Variants in COL21A1 observed in about 807,000 individuals in gnomAD.
COL21A1 encodes the protein collagen alpha-1(XXI) chain.
Under a neutral mutation model 137.9 loss-of-function variants are expected in COL21A1, and 149 were observed. The observed-to-expected ratio is 1.08, with a 90% CI of 0.95 to 1.24. The LOEUF (loss-of-function observed/expected upper bound fraction) is 1.24. COL21A1 is among the 50% of genes most tolerant of loss of function. The pLI is 0.00. For missense variants in COL21A1, 1,167 were observed against 1,158.4 expected (o/e 1.01, Z -0.11); for synonymous variants, 456 against 391.5 (o/e 1.16, Z -1.95).
intron 1 of COL21A1, among the ~76,000 whole-genome samples, chr6:56,261,124 G>A (rs1763263426): frequency 6.6e-6 from 1 of 151,904 alleles, no homozygotes; most frequent in South Asian, 2.1e-4. Context: ...AATGGTCTGT[G>A]AAGCCGTGAC....
chr6:56,304,562 T>C (rs1764388602), intron 1 of COL21A1, among the ~76,000 whole-genome samples: 1 of 152,256 alleles, frequency 6.6e-6, no homozygotes, highest in Non-Finnish European at 1.5e-5. Context: ...TGTATTTCTG[T>C]GGGATCAGTG....
chr6:56,346,546 A>G (rs1459372795), intron 1 of COL21A1, among the ~76,000 whole-genome samples: 1 of 152,246 alleles, frequency 6.6e-6, no homozygotes, highest in Admixed American at 6.5e-5. Flanking sequence ...TCTTTGTAGC[A>G]TATCACAAAT....
chr6:56,088,651 T>A (rs536385137), intron 17 of COL21A1, among the ~76,000 whole-genome samples: 1 of 152,166 alleles, frequency 6.6e-6, no homozygotes, highest in Non-Finnish European at 1.5e-5. Context: ...AACCTTTTCT[T>A]ATAATGTCAC....
At chr6:56,347,810 CAAAAAAT>C (rs1298249554) in intron 1 of COL21A1, among the ~76,000 whole-genome samples, 1 of 151,968 alleles carries the variant, frequency 6.6e-6, no homozygotes, top group Non-Finnish European at 1.5e-5. Flanking sequence ...GAACCAAAAC[CAAAAAAT>C]AACTTCTCTG....
At chr6:56,286,682 A>T (rs2152334847) in intron 1 of COL21A1, among the ~76,000 whole-genome samples, 1 of 100,608 alleles carries the variant, frequency 9.9e-6, no homozygotes, top group East Asian at 2.1e-4. Context: ...TCTTACTTAC[A>T]TTAACTTAAT....
chr6:56,058,621 C>A (rs1384738464), intron 29 of COL21A1, among the ~76,000 whole-genome samples: 1 of 152,182 alleles, frequency 6.6e-6, no homozygotes, highest in African/African-American at 2.4e-5. Context: ...ATTTGATCAA[C>A]TCCAAAGCCT....
intron 1 of COL21A1, among the ~76,000 whole-genome samples, chr6:56,324,349 C>T (rs1285533583): frequency 1.3e-5 from 2 of 152,070 alleles, no homozygotes; most frequent in Admixed American, 1.3e-4. Context: ...TAGAAAGGAG[C>T]AGAGTAAGGA....
At chr6:56,190,774 G>C (rs551674756) in intron 1 of COL21A1, among the ~76,000 whole-genome samples, 7 of 152,248 alleles carry the variant, frequency 4.6e-5, no homozygotes, top group African/African-American at 1.7e-4. Context: ...GGGATGCAAG[G>C]CTGGTTCAAC....
chr6:56,316,442 C>T (rs985051377), intron 1 of COL21A1, among the ~76,000 whole-genome samples: 39 of 134,692 alleles, frequency 2.9e-4, no homozygotes, highest in African/African-American at 1.1e-3. Flanking sequence ...AGAAAAACTA[C>T]AATTAAAAGC....
chr6:56,325,038 G>A lies in COL21A1; in HGVS notation c.-39+68933C>T, dbSNP rs1475243822. On this transcript the variant is annotated intron_variant, in intron 1 of 28. Transcript: ENST00000370819. ...ATTACCATTAGATCATACCCTTTTTGCGCTATCCTGTTTCTCCATGACTCT... is the reference window on the plus strand; with the variant it reads ...ATTACCATTAGATCATACCCTTTTTACGCTATCCTGTTTCTCCATGACTCT... Among the ~76,000 whole-genome samples the A allele has an allele frequency of 4.0e-5, 6 of 150,428 alleles. No individual in the cohort carries two copies. In the Admixed American group the frequency reaches 4.1e-4, roughly 10 times the overall value.
chr6:56,308,874 C>A (rs1422834401), intron 1 of COL21A1, among the ~76,000 whole-genome samples: 1 of 152,118 alleles, frequency 6.6e-6, no homozygotes, highest in Non-Finnish European at 1.5e-5. Context: ...ACAGCAAATT[C>A]CACTGGGAAG....
At chr6:56,151,483 C>T (rs1160006872) in intron 10 of COL21A1, among the ~76,000 whole-genome samples, 1 of 152,120 alleles carries the variant, frequency 6.6e-6, no homozygotes, top group African/African-American at 2.4e-5. Context: ...TATATTCAGA[C>T]ACTGTGATAA....
intron 28 of COL21A1, among the ~76,000 whole-genome samples, chr6:56,059,684 C>T (rs1765623985): frequency 6.6e-6 from 1 of 151,794 alleles, no homozygotes; most frequent in South Asian, 2.1e-4. Context: ...AATAAGGTAA[C>T]AGTGCAGAAA....
At chr6:56,156,978 TA>T (rs1416765995) in intron 9 of COL21A1, 29 bp from the exon 10 acceptor site, 1 of 1,562,772 alleles carries the variant, frequency 6.4e-7, no homozygotes. Flanking sequence ...AACTTTTGAG[TA>T]CAAAACAACC....
intron 17 of COL21A1, among the ~76,000 whole-genome samples, chr6:56,099,672 A>C (rs936367861): frequency 6.6e-6 from 1 of 151,684 alleles, no homozygotes; most frequent in Non-Finnish European, 1.5e-5. Flanking sequence ...TCCCTCATAC[A>C]CGCACACCCA....
intron 1 of COL21A1, among the ~76,000 whole-genome samples, chr6:56,223,999 G>T (rs1451426662): frequency 3.3e-5 from 5 of 152,054 alleles, no homozygotes; most frequent in Non-Finnish European, 2.9e-5. Flanking sequence ...TGGGATAAGG[G>T]CAAATTTGTT....
chr6:56,192,182 C>T (rs918538415), intron 1 of COL21A1, among the ~76,000 whole-genome samples: 8 of 151,986 alleles, frequency 5.3e-5, no homozygotes, highest in African/African-American at 9.7e-5. Context: ...TTCGTTACAC[C>T]GTATACAAAA....
At chr6:56,239,363 T>C (rs1280206189) in intron 1 of COL21A1, among the ~76,000 whole-genome samples, 1 of 152,180 alleles carries the variant, frequency 6.6e-6, no homozygotes, top group African/African-American at 2.4e-5. Flanking sequence ...TGTATCTAAG[T>C]ATTCATTTTT....
At chr6:56,125,757 G>T in intron 13 of COL21A1, 137 bp from the exon 14 acceptor site, 1 of 581,672 alleles carries the variant, frequency 1.7e-6, no homozygotes, top group Non-Finnish European at 2.8e-6. Flanking sequence ...TTTAAAGTTT[G>T]CTTTAAAAGG....
Sources: gnomAD v4.1 joint callset for allele counts (sites outside exome capture counted in the v4.1 genomes callset) on GRCh38, gnomAD v4.1.1 for gene constraint, MANE v1.5 for transcripts, NCBI Gene and HGNC (gene_info 2026-07-23, HGNC 2026-07-21) for gene names.